Variants in CYB5B observed in about 807,000 individuals in gnomAD.
CYB5B encodes cytochrome b5 type B.
Under a neutral mutation model 21.3 loss-of-function variants are expected in CYB5B, and 14 were observed. The ratio of observed to expected loss-of-function variants is 0.66; its 90% CI spans 0.43 to 1.03. The LOEUF (loss-of-function observed/expected upper bound fraction) is 1.03, where lower values mean the gene tolerates loss of function less well. CYB5B is among the 50% of genes least tolerant of loss of function. The pLI, the probability that CYB5B is intolerant of heterozygous loss-of-function variation, is 0.00. For missense variants in CYB5B, 166 were observed against 185.1 expected (o/e 0.90, Z 0.60); for synonymous variants, 69 against 68.4 (o/e 1.01, Z -0.04).
At chr16:69,461,970 G>GTTA (rs2015039655) in intron 4 of CYB5B, among the ~76,000 whole-genome samples, 1 of 152,186 alleles carries the variant, frequency 6.6e-6, no homozygotes, top group Admixed American at 6.5e-5. Context: ...ATTTCTGGTA[G>GTTA]TTATATTAGA....
chr16:69,426,445 G>A (rs1240354874), intron 1 of CYB5B, among the ~76,000 whole-genome samples: 1 of 149,782 alleles, frequency 6.7e-6, no homozygotes, highest in Non-Finnish European at 1.5e-5. Flanking sequence ...GGTGGCTCAC[G>A]CCTGTAATCC....
chr16:69,426,259 C>T (rs986596229), intron 1 of CYB5B, among the ~76,000 whole-genome samples: 3 of 151,804 alleles, frequency 2.0e-5, no homozygotes, highest in Admixed American at 6.6e-5. Context: ...ATTAGCCAGG[C>T]GTGATGGTGG....
chr16:69,462,091 G>C lies in CYB5B; in HGVS notation c.363-339G>C, dbSNP rs757440349. 3.9e-5 allele frequency among the ~76,000 whole-genome samples: 6 copies of C among 152,184 alleles called. No homozygotes were observed. In the East Asian group the frequency reaches 7.7e-4, roughly 20 times the overall value. On this transcript the variant is annotated intron_variant, in intron 4 of 4. Coordinates refer to ENST00000307892, the MANE Select transcript of CYB5B (RefSeq NM_030579.3). ...TTAAAAATGTTTAATTGTAGAATAC[G>C]TGAAAAGCAAAAGCACAATGAAGAA...
chr16:69,425,649 G>A (rs1459765836), intron 1 of CYB5B, among the ~76,000 whole-genome samples: 1 of 151,902 alleles, frequency 6.6e-6, no homozygotes, highest in Non-Finnish European at 1.5e-5. Context: ...GATGAGTTTT[G>A]AAAAATGTAT....
intron 1 of CYB5B, among the ~76,000 whole-genome samples, chr16:69,441,849 G>A (rs1330854462): frequency 6.6e-6 from 1 of 152,088 alleles, no homozygotes; most frequent in African/African-American, 2.4e-5. Flanking sequence ...CCCTAGATGG[G>A]AAATAGATCT....
intron 1 of CYB5B, among the ~76,000 whole-genome samples, chr16:69,439,332 T>A (rs1310820785): frequency 6.6e-6 from 1 of 152,120 alleles, no homozygotes; most frequent in African/African-American, 2.4e-5. Flanking sequence ...TGCCTCAGCC[T>A]CCCGAATAGC....
In CYB5B at chr16:69,435,206, C is replaced by A. The variant is rs114602408; in HGVS notation, c.174+10349C>A. Among the ~76,000 whole-genome samples, 554 of 152,276 alleles carry A rather than the reference C, an allele frequency of 3.6e-3. 5 individuals carry two copies. Among genetic ancestry groups the A allele is most frequent in the African/African-American group, 0.013 (539 of 41,548 alleles). ...AAAATGGAGATAATAGCACATACTT[C>A]ACAGGGTAGTTGTGGTTGTGACAAG... On this transcript the variant is annotated intron_variant, in intron 1 of 4. Coordinates refer to ENST00000307892, the MANE Select transcript of CYB5B (RefSeq NM_030579.3).
chr16:69,431,917 A>G lies in CYB5B; in HGVS notation c.174+7060A>G, dbSNP rs536476406. ...AATGAGTTGAGAAAGAAAAATCAGGAAAGATTTAATTTAATAAGAGTGATC... is the reference window on the plus strand; with the variant it reads ...AATGAGTTGAGAAAGAAAAATCAGGGAAGATTTAATTTAATAAGAGTGATC... On this transcript the variant is annotated intron_variant, in intron 1 of 4. Coordinates refer to ENST00000307892, the MANE Select transcript of CYB5B (RefSeq NM_030579.3). Among the ~76,000 whole-genome samples, 8 of 152,348 alleles carry G rather than the reference A, an allele frequency of 5.3e-5. No homozygotes were observed. In the South Asian group the frequency reaches 1.7e-3, roughly 32 times the overall value.
At chr16:69,447,769 A>G (rs1000406588) in intron 2 of CYB5B, among the ~76,000 whole-genome samples, 1 of 152,186 alleles carries the variant, frequency 6.6e-6, no homozygotes, top group Non-Finnish European at 1.5e-5. Flanking sequence ...AGCACATGTA[A>G]TATCTCTAAA....
At chr16:69,452,184 A>C (rs946833529) in intron 3 of CYB5B, among the ~76,000 whole-genome samples, 1 of 149,208 alleles carries the variant, frequency 6.7e-6, no homozygotes, top group African/African-American at 2.5e-5. Flanking sequence ...GGAGGCCCAA[A>C]ATTTGAGTAG....
At chr16:69,460,221 C>T (rs188655914) in intron 4 of CYB5B, among the ~76,000 whole-genome samples, 4 of 151,000 alleles carry the variant, frequency 2.6e-5, no homozygotes, top group East Asian at 1.9e-4. Flanking sequence ...GCAACGAGAA[C>T]GAAACTCCAT....
chr16:69,436,661 G>T (rs1230447414), intron 1 of CYB5B, among the ~76,000 whole-genome samples: 1 of 152,096 alleles, frequency 6.6e-6, no homozygotes, highest in Non-Finnish European at 1.5e-5. Context: ...TTGGCTAGAG[G>T]ACCCCCTTTT....
intron 1 of CYB5B, 116 bp downstream of exon 1, chr16:69,424,973 A>T: frequency 9.1e-7 from 1 of 1,100,950 alleles, no homozygotes; most frequent in Non-Finnish European, 1.2e-6. Context: ...GGCGTAAGAA[A>T]GGGATCACGA....
rs2015069281 is a variant in CYB5B, at chr16:69,464,614, A to G, written c.*2094A>G. The G allele has an allele frequency of 6.6e-6, 1 of 152,584 alleles. No homozygotes were observed. The highest frequency in any genetic ancestry group is 1.5e-5 in the Non-Finnish European group (1 of 68,046). The allele number at this position is 152,584 out of a possible 1,614,324, so 9.5% of individuals were successfully genotyped here. On this transcript the variant is annotated 3_prime_UTR_variant, in exon 5 of 5. Coordinates refer to ENST00000307892, the MANE Select transcript of CYB5B (RefSeq NM_030579.3). ...AATCAGTTGTAAAAGTGTGTTGGCA[A>G]TGTCCGAAATTGAATGAAAAACATC...
rs1555509723 is a variant in CYB5B at position 69,441,154 on chromosome 16, T to TC, written c.175-5996_175-5995insC. Among the ~76,000 whole-genome samples the TC allele has an allele frequency of 1.7e-3, 173 of 102,012 alleles. 2 individuals are homozygous for TC. Among genetic ancestry groups the TC allele is most frequent in the Non-Finnish European group, 2.4e-3 (125 of 51,874 alleles). 66.9% of individuals were successfully genotyped at this position (102,012 alleles called of 152,430 possible). On this transcript the variant is annotated intron_variant, in intron 1 of 4. Coordinates refer to ENST00000307892, the MANE Select transcript of CYB5B (RefSeq NM_030579.3). ...CTGATTTCCCAGTTTTACTTCTCTC[T>TC]TTTTTTTTTTTTTTTTTGAGATGGA...
At chr16:69,444,730 A>G (rs2014860562) in intron 1 of CYB5B, among the ~76,000 whole-genome samples, 1 of 152,178 alleles carries the variant, frequency 6.6e-6, no homozygotes, top group Non-Finnish European at 1.5e-5. Flanking sequence ...TGAGAACACA[A>G]AAAACTTTTA....
chr16:69,460,892 A>G (rs933981297), intron 4 of CYB5B, among the ~76,000 whole-genome samples: 1 of 152,204 alleles, frequency 6.6e-6, no homozygotes, highest in Non-Finnish European at 1.5e-5. Context: ...GTAGGAAGTT[A>G]TTGTTGAACC....
intron 1 of CYB5B, among the ~76,000 whole-genome samples, chr16:69,440,582 A>C (rs1210901951): frequency 6.6e-6 from 1 of 152,128 alleles, no homozygotes; most frequent in Non-Finnish European, 1.5e-5. Flanking sequence ...AACATGTTGC[A>C]TTCTCATGTG....
At chr16:69,436,808 G>A (rs7184131) in intron 1 of CYB5B, among the ~76,000 whole-genome samples, 26,320 of 151,956 alleles carry the variant, frequency 0.17, 2,402 homozygotes, top group Middle Eastern at 0.25. Flanking sequence ...CAGATAATTT[G>A]TGTAATTTTT....
Sources: allele counts gnomAD v4.1 joint callset (sites outside exome capture counted in the v4.1 genomes callset), GRCh38; gene constraint gnomAD v4.1.1; transcripts MANE v1.5; gene names NCBI Gene and HGNC (gene_info 2026-07-23, HGNC 2026-07-21).